Variants in ABR observed in about 807,000 individuals in gnomAD.
The protein encoded by ABR is active breakpoint cluster region-related protein.
A neutral mutation model predicts 107.2 loss-of-function variants in ABR; 35 were observed. That is an observed-to-expected ratio of 0.33 (90% CI 0.25 to 0.43). ABR has a LOEUF of 0.43. Among genes scored for constraint, ABR ranks in the 20% least tolerant of loss-of-function variants. ABR has a pLI of 1.00. For synonymous variants in ABR, 498 were observed against 462.0 expected (o/e 1.08, Z -1.00); for missense variants, 815 against 1,115.2 (o/e 0.73, Z 3.83).
At chr17:1,079,167 C>T in intron 6 of ABR, 163 bp downstream of exon 6, 5 of 1,458,126 alleles carry the variant, frequency 3.4e-6, no homozygotes, top group South Asian at 2.8e-5. Flanking sequence ...CGTGCGCGCA[C>T]ACGCGCACTC....
intron 10 of ABR, among the ~76,000 whole-genome samples, chr17:1,066,562 T>C (rs1187200823): frequency 6.6e-6 from 1 of 151,840 alleles, no homozygotes; most frequent in East Asian, 1.9e-4. Flanking sequence ...AGAATCTCAC[T>C]CTATTGCCTA....
intron 1 of ABR, among the ~76,000 whole-genome samples, chr17:1,137,198 C>T (rs1050168598): frequency 5.3e-5 from 8 of 152,100 alleles, no homozygotes; most frequent in Non-Finnish European, 1.2e-4. Context: ...CGCCCGCCAC[C>T]ACGCCCGGCT....
In ABR at chr17:1,058,816, ACAT is replaced by A. The variant is rs768403357; in HGVS notation, c.1231_1233del (p.Met411del). ...AGCAGCAGCAGGAACTCATTCTCAA[ACAT>A]CTTCTTCTTCAGGCGCTCGATGGCC... On this transcript the variant is annotated inframe_deletion, in exon 11 of 23. Transcript: ENST00000302538. 6.2e-7 allele frequency: 1 copy of A among 1,613,944 alleles called. No individual in the cohort carries two copies. Among genetic ancestry groups the A allele is most frequent in the Non-Finnish European group, 8.5e-7 (1 of 1,179,988 alleles).
In ABR at chr17:1,078,705, C is replaced by T. The variant is rs373321447; in HGVS notation, c.700+625G>A. The T allele has an allele frequency of 2.3e-4, 267 of 1,185,606 alleles. 3 individuals carry two copies. The East Asian group carries it at 4.1e-3, about 18-fold the overall frequency. 73.4% of individuals were successfully genotyped at this position (1,185,606 alleles called of 1,614,324 possible). Reference sequence around the variant, plus strand: ...GAATTCAGGTCCAGCCGCTCGCCCACCCTCCTTCCCTGCGGCCCTCTAACC... The same window carrying T: ...GAATTCAGGTCCAGCCGCTCGCCCATCCTCCTTCCCTGCGGCCCTCTAACC... On this transcript the variant is annotated intron_variant, in intron 6 of 22. Transcript: ENST00000302538. This position sits in a 1 kb window ranked among gnomAD's most constrained non-coding sequence, Gnocchi z 7.5.
chr17:1,031,171 C>T (rs879483223), intron 16 of ABR, among the ~76,000 whole-genome samples: 1 of 152,134 alleles, frequency 6.6e-6, no homozygotes, highest in Non-Finnish European at 1.5e-5. Flanking sequence ...CACAGAGAAA[C>T]CTCACACGGC....
In ABR at chr17:1,034,151, C is replaced by T. The variant is rs540481810; in HGVS notation, c.1791+15899G>A. 4.0e-4 allele frequency among the ~76,000 whole-genome samples: 61 copies of T among 151,736 alleles called. 1 individual carries two copies. The highest frequency in any genetic ancestry group is 1.7e-3 in the South Asian group (8 of 4,790). ...ACGCCCGGCTAATTTTTGTATTTTT[C>T]GCAGAGACGAGGTTTCACCATGCTG... On this transcript the variant is annotated intron_variant, in intron 16 of 22. Coordinates refer to ENST00000302538, the MANE Select transcript of ABR (RefSeq NM_021962.5).
Position 1,125,253 on chromosome 17 carries a change from T to C in ABR, c.176A>G (p.Gln59Arg), listed in dbSNP as rs1424536393. Residue 59 changes from glutamine to arginine, a missense_variant, in exon 2 of 23, where the codon CAG becomes CGG. Transcript: ENST00000302538. ...YIDESPTMSP[Q>R]LSARSQGGGD... ...CCCGCCCTGGCTGCGGGCGCTGAGC[T>C]GCGGGGACATGGTGGGCGACTCATC... 1 of 1,613,042 alleles carries C rather than the reference T, an allele frequency of 6.2e-7. No homozygotes were observed. Among genetic ancestry groups the C allele is most frequent in the Non-Finnish European group, 8.5e-7 (1 of 1,179,452 alleles).
chr17:1,066,938 T>C, intron 10 of ABR, 139 bp downstream of exon 10: 3 of 814,706 alleles, frequency 3.7e-6, no homozygotes, highest in East Asian at 2.7e-5. Context: ...TTGGAGCTAC[T>C]GTAGTCGGGG....
chr17:1,147,141 C>T (rs781200458), intron 1 of ABR, among the ~76,000 whole-genome samples: 4 of 152,246 alleles, frequency 2.6e-5, no homozygotes, highest in South Asian at 2.1e-4. Flanking sequence ...TATCATTTCA[C>T]GGCTGAACAG....
chr17:1,194,672 A>G lies in ABR; in HGVS notation c.838+34121T>C, dbSNP rs1202449068. ...ACACCCAGCTAATTTTTTTTTTTTT[A>G]AGATGGAGTCTCGCTCTGTTGCCCA... On this transcript the variant is annotated intron_variant, in intron 1 of 22. Coordinates refer to the ABR transcript ENST00000574139. 3.4e-5 allele frequency among the ~76,000 whole-genome samples: 4 copies of G among 116,032 alleles called. 1 individual carries two copies. The highest frequency in any genetic ancestry group is 8.7e-3 in the Middle Eastern group (2 of 230). 76.1% of individuals were successfully genotyped at this position (116,032 alleles called of 152,430 possible).
At chr17:1,135,444 T>C (rs1237431199) in intron 1 of ABR, among the ~76,000 whole-genome samples, 1 of 149,812 alleles carries the variant, frequency 6.7e-6, no homozygotes, top group Admixed American at 6.7e-5. Flanking sequence ...CCCTCCAGCC[T>C]GTCGCAAGGG....
Position 1,179,003 on chromosome 17 carries a change from T to A in ABR, c.61+664A>T, listed in dbSNP as rs1481165341. Among the ~76,000 whole-genome samples, 1 of 149,170 alleles carries A rather than the reference T, an allele frequency of 6.7e-6. No homozygotes were observed. The highest frequency in any genetic ancestry group is 2.5e-5 in the African/African-American group (1 of 39,504). On this transcript the variant is annotated intron_variant, in intron 1 of 22. Coordinates refer to ENST00000302538, the MANE Select transcript of ABR (RefSeq NM_021962.5). The surrounding 1 kb of genome is among the most constrained non-coding windows in gnomAD (Gnocchi z 4.9). Reference sequence around the variant, plus strand: ...AGGGGGTGGAGAACTCGAGAAGGTTTGTTTTTTTTTTCTTCTGAGGGTGGT... The same window carrying A: ...AGGGGGTGGAGAACTCGAGAAGGTTAGTTTTTTTTTTCTTCTGAGGGTGGT...
chr17:1,111,510 G>A (rs367813245), intron 2 of ABR, among the ~76,000 whole-genome samples: 21 of 152,172 alleles, frequency 1.4e-4, no homozygotes, highest in African/African-American at 5.1e-4. Context: ...CATCTGCCTC[G>A]GCCTGGCTCC....
intron 16 of ABR, among the ~76,000 whole-genome samples, chr17:1,025,117 C>G (rs2072079687): frequency 5.5e-5 from 1 of 18,114 alleles, no homozygotes. Context: ...GAGACTCCGT[C>G]TCAAAAAAAA....
rs1374400028 is a variant in ABR at position 1,027,523 on chromosome 17, G to C, written c.1792-14359C>G. On this transcript the variant is annotated intron_variant, in intron 16 of 22. Coordinates refer to ENST00000302538, the MANE Select transcript of ABR (RefSeq NM_021962.5). The surrounding 1 kb of genome is among the most constrained non-coding windows in gnomAD (Gnocchi z 4.7). ...GAGCTGGCCTGGCAGAGAGATCAGAGAGTACTCATGAGGCCCCAGCAGTGA... is the reference window on the plus strand; with the variant it reads ...GAGCTGGCCTGGCAGAGAGATCAGACAGTACTCATGAGGCCCCAGCAGTGA... 6.6e-6 allele frequency among the ~76,000 whole-genome samples: 1 copy of C among 152,188 alleles called. No homozygotes were observed. Among genetic ancestry groups the C allele is most frequent in the Non-Finnish European group, 1.5e-5 (1 of 68,026 alleles).
intron 4 of ABR, 150 bp downstream of exon 4, chr17:1,091,515 A>C: frequency 1.1e-6 from 1 of 890,622 alleles, no homozygotes; most frequent in Non-Finnish European, 1.7e-6. Context: ...ACCCCATAAC[A>C]CACAGGCCCA....
At chr17:1,033,364 A>G (rs1008607024) in intron 16 of ABR, among the ~76,000 whole-genome samples, 2 of 152,148 alleles carry the variant, frequency 1.3e-5, no homozygotes, top group South Asian at 4.1e-4. Context: ...ACCCCTCCCA[A>G]CTGTATGAAG....
intron 10 of ABR, among the ~76,000 whole-genome samples, chr17:1,059,704 C>A (rs2033714507): frequency 6.6e-6 from 1 of 152,166 alleles, no homozygotes; most frequent in South Asian, 2.1e-4. Context: ...CGTAAAGGAC[C>A]CCCTCCCTTT....
chr17:1,181,136 G>T (rs553675449), upstream of ABR, among the ~76,000 whole-genome samples: 1 of 152,282 alleles, frequency 6.6e-6, no homozygotes, highest in East Asian at 1.9e-4. Context: ...GGCCTTTGCC[G>T]GGGGCAGTGT....
Sources: allele counts gnomAD v4.1 joint callset (sites outside exome capture counted in the v4.1 genomes callset), GRCh38; gene constraint gnomAD v4.1.1; non-coding constraint Gnocchi (gnomAD v3.1); transcripts MANE v1.5; gene names NCBI Gene and HGNC (gene_info 2026-07-23, HGNC 2026-07-21).